ATP9B: variants seen among roughly 807,000 people sequenced by gnomAD.
ATP9B encodes the protein probable phospholipid-transporting ATPase IIB.
Under a neutral mutation model 146.1 loss-of-function variants are expected in ATP9B, and 110 were observed. The observed-to-expected ratio is 0.75, with a 90% CI of 0.65 to 0.88. The LOEUF is 0.88. ATP9B is among the 40% of genes least tolerant of loss of function. The probability of loss-of-function intolerance (pLI) is 0.00; values close to 1 mark genes in which losing one functional copy is unlikely to be tolerated. For missense variants in ATP9B, 1,499 were observed against 1,496.4 expected, an observed-to-expected ratio of 1.00 and a Z score of -0.03; for synonymous variants, 604 against 569.7, an observed-to-expected ratio of 1.06 and a Z score of -0.86.
intron 26 of ATP9B, among the ~76,000 whole-genome samples, chr18:79,366,032 C>T (rs1421847597): frequency 1.3e-5 from 2 of 152,274 alleles, no homozygotes; most frequent in Non-Finnish European, 2.9e-5. Context: ...TTACTGCTGA[C>T]TCACATGACA....
At chr18:79,192,927 G>C (rs1274318533) in intron 8 of ATP9B, among the ~76,000 whole-genome samples, 1 of 152,130 alleles carries the variant, frequency 6.6e-6, no homozygotes, top group Non-Finnish European at 1.5e-5. Flanking sequence ...CAGGCCCCGG[G>C]GCTGCCTGTT....
chr18:79,260,075 A>C (rs996652457), intron 12 of ATP9B, among the ~76,000 whole-genome samples: 3 of 152,122 alleles, frequency 2.0e-5, no homozygotes, highest in Non-Finnish European at 2.9e-5. Context: ...CTTTGAAGAG[A>C]TAGATTAGGG....
At chr18:79,295,850 G>T (rs1046756948) in intron 13 of ATP9B, among the ~76,000 whole-genome samples, 1 of 152,190 alleles carries the variant, frequency 6.6e-6, no homozygotes, top group Non-Finnish European at 1.5e-5. Flanking sequence ...CTGCAAGAAG[G>T]CTCCACTATG....
intron 7 of ATP9B, among the ~76,000 whole-genome samples, chr18:79,156,271 G>C (rs1401595706): frequency 6.6e-6 from 1 of 152,092 alleles, no homozygotes; most frequent in Non-Finnish European, 1.5e-5. Flanking sequence ...CTTTCCTCTT[G>C]GAAACACAGC....
At chr18:79,307,419 C>A in intron 15 of ATP9B, 185 bp downstream of exon 15, 1 of 859,756 alleles carries the variant, frequency 1.2e-6, no homozygotes, top group South Asian at 1.8e-5. Flanking sequence ...GTAGCCTGGG[C>A]CTTGCACATG....
At chr18:79,369,532 CAAA>C (rs67043260) in intron 26 of ATP9B, among the ~76,000 whole-genome samples, 8 of 87,968 alleles carry the variant, frequency 9.1e-5, no homozygotes, top group East Asian at 3.3e-4. Flanking sequence ...GAGTCCGTCT[CAAA>C]AAAAAAAAAA....
At chr18:79,230,482 T>C (rs2095780707) in intron 11 of ATP9B, among the ~76,000 whole-genome samples, 1 of 151,896 alleles carries the variant, frequency 6.6e-6, no homozygotes, top group African/African-American at 2.4e-5. Context: ...TGCAAATAAA[T>C]AAATAAATAA....
rs116819147 is a variant in ATP9B, at chr18:79,321,136, C to G, written c.1774-8005C>G. ...AGAGAATTCGCTAGGCTGCTTTCAC[C>G]TAGTCAAATCCCCACACTTACGTGC... On this transcript the variant is annotated intron_variant, in intron 15 of 29. Coordinates refer to ENST00000426216, the MANE Select transcript of ATP9B (RefSeq NM_198531.5). Among the ~76,000 whole-genome samples, 996 of 152,288 alleles carry G rather than the reference C, an allele frequency of 6.5e-3. 5 individuals are homozygous for G. Among genetic ancestry groups the G allele is most frequent in the African/African-American group, 0.022 (931 of 41,554 alleles).
chr18:79,082,296 A>G (rs1265767815), intron 1 of ATP9B, among the ~76,000 whole-genome samples: 1 of 152,214 alleles, frequency 6.6e-6, no homozygotes, highest in African/African-American at 2.4e-5. Context: ...TCTAGTTAAC[A>G]ATTCCTCTAA....
intron 26 of ATP9B, chr18:79,363,470 A>ACGTAAACAGATGTTCATGGATTGAGAGG (rs1165975496): frequency 2.1e-5 from 3 of 140,796 alleles, no homozygotes; most frequent in African/African-American, 8.0e-5. Context: ...GGATTGAGAG[A>ACGTAAACAGATGTTCATGGATTGAGAGG]CGTAAACAGA....
chr18:79,179,041 G>C (rs886947382), intron 8 of ATP9B, among the ~76,000 whole-genome samples: 3 of 152,186 alleles, frequency 2.0e-5, no homozygotes, highest in Admixed American at 1.3e-4. Flanking sequence ...CTTTGGTATA[G>C]AGTTAATCAG....
intron 9 of ATP9B, among the ~76,000 whole-genome samples, chr18:79,197,346 T>TTA (rs903177083): frequency 8.6e-5 from 13 of 151,618 alleles, no homozygotes; most frequent in South Asian, 4.2e-4. Context: ...TTTATAATCT[T>TTA]TATATATATA....
intron 13 of ATP9B, among the ~76,000 whole-genome samples, chr18:79,293,973 C>T (rs1242466151): frequency 6.6e-6 from 1 of 152,080 alleles, no homozygotes; most frequent in East Asian, 1.9e-4. Context: ...GAATTCCTCT[C>T]AGTTTTCTCC....
chr18:79,107,768 G>T (rs904195457), intron 2 of ATP9B, among the ~76,000 whole-genome samples: 2 of 152,224 alleles, frequency 1.3e-5, no homozygotes, highest in African/African-American at 4.8e-5. Flanking sequence ...AGGAAAGGCG[G>T]TGCATGAACT....
rs371235322 is a variant in ATP9B at position 79,201,710 on chromosome 18, C to T, written c.955-5227C>T. On this transcript the variant is annotated intron_variant, in intron 9 of 29. Transcript: ENST00000426216. Reference sequence around the variant, plus strand: ...TCAGCCTCCCGAGCAGTTGGGACTACGGGTGTGCGCCACCAAGCCCAGCTA... The same window carrying T: ...TCAGCCTCCCGAGCAGTTGGGACTATGGGTGTGCGCCACCAAGCCCAGCTA... 2.4e-3 allele frequency among the ~76,000 whole-genome samples: 365 copies of T among 152,178 alleles called. 2 individuals are homozygous for T. The highest frequency in any genetic ancestry group is 6.4e-3 in the South Asian group (31 of 4,808).
chr18:79,163,970 G>T (rs191174360), intron 7 of ATP9B, among the ~76,000 whole-genome samples: 2 of 152,090 alleles, frequency 1.3e-5, no homozygotes, highest in African/African-American at 4.8e-5. Flanking sequence ...CCAGGCTAGA[G>T]TGCTGTGGCT....
chr18:79,337,545 C>A, intron 19 of ATP9B, 96 bp downstream of exon 19: 1 of 1,482,860 alleles, frequency 6.7e-7, no homozygotes, highest in South Asian at 1.3e-5. Flanking sequence ...CCTGTGGGGT[C>A]ATGGATGTGA....
At chr18:79,271,874 A>G (rs1332562519) in intron 12 of ATP9B, among the ~76,000 whole-genome samples, 10 of 151,982 alleles carry the variant, frequency 6.6e-5, no homozygotes, top group Admixed American at 2.6e-4. Flanking sequence ...AAGTGTTCCT[A>G]TTTCTCCACA....
rs551135951 is a variant in ATP9B, at chr18:79,137,437, T to C, written c.668-6365T>C. Among the ~76,000 whole-genome samples, 153 of 152,310 alleles carry C rather than the reference T, an allele frequency of 1.0e-3. 1 individual carries two copies. Among genetic ancestry groups the C allele is most frequent in the African/African-American group, 3.6e-3 (148 of 41,572 alleles). On this transcript the variant is annotated intron_variant, in intron 5 of 29. Transcript: ENST00000426216. ...ATTGTTTGGGATGCTGTTCAGCTAC[T>C]TGGATAGGCCTTGCTTTGTTGCATC...
Sources: gnomAD v4.1 joint callset for allele counts (sites outside exome capture counted in the v4.1 genomes callset) on GRCh38, gnomAD v4.1.1 for gene constraint, MANE v1.5 for transcripts, NCBI Gene and HGNC (gene_info 2026-07-23, HGNC 2026-07-21) for gene names.